Variants in MED26 observed in about 807,000 individuals in gnomAD.
MED26 encodes mediator complex subunit 26.
MED26 carries 7 observed loss-of-function variants against 43.7 expected under a neutral mutation model. The observed-to-expected ratio is 0.16, with a 90% CI of 0.09 to 0.30. MED26 has a LOEUF of 0.30. MED26 is among the 10% of genes least tolerant of loss of function. The pLI is 1.00. For synonymous variants in MED26, 375 were observed against 371.1 expected (o/e 1.01, Z -0.12); for missense variants, 784 against 840.6 (o/e 0.93, Z 0.83).
intron 1 of MED26, among the ~76,000 whole-genome samples, chr19:16,626,749 T>TCACACAC (rs1370501907): frequency 1.3e-5 from 2 of 152,114 alleles, no homozygotes; most frequent in African/African-American, 4.8e-5. Context: ...TTTCTTCCAT[T>TCACACAC]CACAGCACAT....
chr19:16,608,740 G>A (rs2086185426), intron 1 of MED26, among the ~76,000 whole-genome samples: 1 of 152,186 alleles, frequency 6.6e-6, no homozygotes, highest in Non-Finnish European at 1.5e-5. Flanking sequence ...GGCTGCTTTT[G>A]TGCTACAAAG....
chr19:16,590,816 T>G (rs779963827), intron 1 of MED26, among the ~76,000 whole-genome samples: 46 of 151,980 alleles, frequency 3.0e-4, no homozygotes, highest in Admixed American at 5.2e-4. Flanking sequence ...GGCAGGTGGA[T>G]CACCTGAGGC....
intron 1 of MED26, among the ~76,000 whole-genome samples, chr19:16,603,943 T>G (rs1464199631): frequency 1.3e-5 from 2 of 152,170 alleles, no homozygotes. Context: ...TCCCCTCCAT[T>G]ATCTGCCACT....
chr19:16,616,176 A>G (rs957157601), intron 1 of MED26, among the ~76,000 whole-genome samples: 10 of 152,216 alleles, frequency 6.6e-5, no homozygotes, highest in Non-Finnish European at 1.5e-4. Flanking sequence ...GGTAGCATGC[A>G]TGTGAGCACC....
In MED26 at chr19:16,591,586, C is replaced by T. The variant is rs577604131; in HGVS notation, c.73-13177G>A. Among the ~76,000 whole-genome samples the T allele has an allele frequency of 9.8e-5, 15 of 152,290 alleles. No individual in the cohort carries two copies. In the South Asian group the frequency reaches 3.1e-3, roughly 32 times the overall value. ...CCCAAGGCTGAACTTACACACACAC[C>T]CCCTTGTATGCCTACCTATAGGGTT... On this transcript the variant is annotated intron_variant, in intron 1 of 2. Transcript: ENST00000263390.
chr19:16,604,406 T>A (rs1191952524), intron 1 of MED26, among the ~76,000 whole-genome samples: 1 of 152,228 alleles, frequency 6.6e-6, no homozygotes, highest in Non-Finnish European at 1.5e-5. Flanking sequence ...ACATTTTACT[T>A]TTTTAAAGGA....
chr19:16,576,472 T>C lies in MED26; in HGVS notation c.1358A>G (p.Gln453Arg), dbSNP rs765655115. 5.6e-6 allele frequency: 9 copies of C among 1,614,198 alleles called. No individual in the cohort carries two copies. The highest frequency in any genetic ancestry group is 7.6e-6 in the Non-Finnish European group (9 of 1,180,042). Residue 453 changes from glutamine to arginine, a missense_variant, in exon 3 of 3, where the codon CAG (glutamine) becomes CGG (arginine). Physicochemically the swap from Gln to Arg is conservative, Grantham distance 43 (BLOSUM62 1). Coordinates refer to ENST00000263390, the MANE Select transcript of MED26 (RefSeq NM_004831.5). This position sits in a 1 kb window ranked among gnomAD's most constrained non-coding sequence, Gnocchi z 6.8. ...VRADSPVHME[Q>R]QSRTELDKQE... ...CTTGTCCAGCTCTGTCCTGGACTGC[T>C]GCTCCATGTGCACAGGGCTGTCTGC... is the stretch of plus-strand genomic sequence containing the variant.
chr19:16,624,079 A>G (rs973004494), intron 1 of MED26, among the ~76,000 whole-genome samples: 1 of 152,010 alleles, frequency 6.6e-6, no homozygotes, highest in South Asian at 2.1e-4. Context: ...GTTAGTTGAG[A>G]AACTTCACAC....
chr19:16,613,375 A>G (rs1028694358), intron 1 of MED26, among the ~76,000 whole-genome samples: 2 of 152,180 alleles, frequency 1.3e-5, no homozygotes, highest in African/African-American at 4.8e-5. Flanking sequence ...TGGAGCTGAC[A>G]TGGCTCAAAG....
In MED26 at chr19:16,577,158, G is replaced by A. The variant is rs150780142; in HGVS notation, c.672C>T (p.Asn224=). The part of the protein sequence containing the change: ...NDKHSGKIPV[N]AVRPHTSSPG... ...GGGAGCTGGTGTGCGGTCGCACGGC[G>A]TTGACGGGGATCTTGCCACTGTGCT... Residue 224 remains asparagine, a synonymous_variant, in exon 3 of 3, where the codon AAC becomes AAT. Coordinates refer to ENST00000263390, the MANE Select transcript of MED26 (RefSeq NM_004831.5). This position sits in a 1 kb window ranked among gnomAD's most constrained non-coding sequence, Gnocchi z 8.1. The A allele has an allele frequency of 2.2e-4, 352 of 1,613,332 alleles. 1 individual carries two copies. The highest frequency in any genetic ancestry group is 1.9e-3 in the African/African-American group (146 of 75,044).
At chr19:16,585,437 G>A (rs1568281465) in intron 1 of MED26, among the ~76,000 whole-genome samples, 1 of 152,072 alleles carries the variant, frequency 6.6e-6, no homozygotes, top group East Asian at 1.9e-4. Flanking sequence ...AGAAGGGGTG[G>A]GGGCTAGGTC....
At chr19:16,581,316 T>C (rs1302846836) in intron 1 of MED26, among the ~76,000 whole-genome samples, 1 of 152,168 alleles carries the variant, frequency 6.6e-6, no homozygotes, top group African/African-American at 2.4e-5. Context: ...TCCGCACTCC[T>C]CGTGCAATGG....
At chr19:16,593,314 G>A (rs1313684072) in intron 1 of MED26, among the ~76,000 whole-genome samples, 1 of 152,200 alleles carries the variant, frequency 6.6e-6, no homozygotes, top group Non-Finnish European at 1.5e-5. Flanking sequence ...AGGGAGGCAT[G>A]AGGGAGCTCC....
chr19:16,622,367 T>C (rs992098209), intron 1 of MED26, among the ~76,000 whole-genome samples: 1 of 152,202 alleles, frequency 6.6e-6, no homozygotes, highest in Admixed American at 6.5e-5. Flanking sequence ...TTCAGGTCTG[T>C]ACCCTCTACA....
At chr19:16,613,015 G>A (rs187386899) in intron 1 of MED26, among the ~76,000 whole-genome samples, 38 of 152,196 alleles carry the variant, frequency 2.5e-4, no homozygotes, top group Non-Finnish European at 4.4e-5. Flanking sequence ...TCGAGAAGGG[G>A]CTTATACATG....
intron 1 of MED26, among the ~76,000 whole-genome samples, chr19:16,626,482 C>T (rs1362956242): frequency 6.6e-6 from 1 of 152,134 alleles, no homozygotes; most frequent in Admixed American, 6.5e-5. Context: ...AGACAATTAC[C>T]ATCAAGTCAA....
intron 1 of MED26, among the ~76,000 whole-genome samples, chr19:16,620,080 G>GA (rs1290452098): frequency 6.6e-6 from 1 of 152,098 alleles, no homozygotes. Context: ...AGAAAGAGAG[G>GA]AAAACACACC....
chr19:16,612,796 G>A (rs182779460), intron 1 of MED26, among the ~76,000 whole-genome samples: 2 of 152,304 alleles, frequency 1.3e-5, no homozygotes, highest in Admixed American at 6.5e-5. Context: ...GGACCCTGAC[G>A]TCTGGGATTT....
intron 1 of MED26, among the ~76,000 whole-genome samples, chr19:16,585,116 A>C (rs950655685): frequency 6.6e-6 from 1 of 152,128 alleles, no homozygotes; most frequent in Non-Finnish European, 1.5e-5. Flanking sequence ...GGAGCCCCTC[A>C]CCAAGCTCCC....
Sources: allele counts gnomAD v4.1 joint callset (sites outside exome capture counted in the v4.1 genomes callset), GRCh38; gene constraint gnomAD v4.1.1; non-coding constraint Gnocchi (gnomAD v3.1); transcripts MANE v1.5; gene names NCBI Gene and HGNC (gene_info 2026-07-23, HGNC 2026-07-21).